The following ZNF248 variants were observed in gnomAD, a reference collection of about 807,000 sequenced individuals.
ZNF248 encodes KRAB protein domain.
In ZNF248, 20 loss-of-function variants were observed where a neutral mutation model predicts 44.3. The observed-to-expected ratio is 0.45, with a 90% confidence interval of 0.32 to 0.66. ZNF248 has a LOEUF of 0.66. ZNF248 is among the 30% of genes least tolerant of loss of function. ZNF248 has a pLI of 0.04. For synonymous variants in ZNF248, 224 were observed against 229.0 expected, an observed-to-expected ratio of 0.98 and a Z score of 0.20; for missense variants, 654 against 677.0, an observed-to-expected ratio of 0.97 and a Z score of 0.38.
At chr10:37,849,544 G>A (rs1181412270) in intron 3 of ZNF248, among the ~76,000 whole-genome samples, 2 of 151,872 alleles carry the variant, frequency 1.3e-5, no homozygotes, top group Admixed American at 6.6e-5. Flanking sequence ...AAAATTAGAC[G>A]GGTGTGGTGG....
chr10:37,774,237 G>T (rs552629826), downstream of ZNF248, among the ~76,000 whole-genome samples: 19 of 152,306 alleles, frequency 1.2e-4, no homozygotes, highest in South Asian at 3.5e-3. Flanking sequence ...AACTGGGAGA[G>T]AATACATTTC....
chr10:37,827,569 T>A (rs2054581281), downstream of ZNF248, among the ~76,000 whole-genome samples: 1 of 152,124 alleles, frequency 6.6e-6, no homozygotes, highest in Non-Finnish European at 1.5e-5. Flanking sequence ...AGTGGTAGGT[T>A]GGGAAAAGGG....
intron 3 of ZNF248, among the ~76,000 whole-genome samples, chr10:37,843,964 C>T (rs2058820573): frequency 6.6e-6 from 1 of 151,760 alleles, no homozygotes; most frequent in African/African-American, 2.4e-5. Context: ...ACAGGAGTCC[C>T]AGAAGGAAAA....
At chr10:37,793,389 A>C (rs2048787757) in intron 6 of ZNF248, among the ~76,000 whole-genome samples, 1 of 149,258 alleles carries the variant, frequency 6.7e-6, no homozygotes, top group African/African-American at 2.4e-5. Flanking sequence ...ATGGAAACAT[A>C]AACAAACACA....
chr10:37,813,599 A>T lies in ZNF248; in HGVS notation c.330+19426T>A, dbSNP rs560271701. 8.6e-5 allele frequency among the ~76,000 whole-genome samples: 13 copies of T among 151,538 alleles called. No individual in the cohort carries two copies. The South Asian group carries it at 2.7e-3, about 32-fold the overall frequency. On this transcript the variant is annotated intron_variant, in intron 6 of 6. Transcript: ENST00000615949. ...AATAAACATTTTTATCTTCCTTACGATTTTTTTTTCTTTACCTTACTTTAT... is the reference window on the plus strand; with the variant it reads ...AATAAACATTTTTATCTTCCTTACGTTTTTTTTTTCTTTACCTTACTTTAT...
chr10:37,761,451 C>A, the ZNF248 span, among the ~76,000 whole-genome samples: 1 of 152,190 alleles, frequency 6.6e-6, no homozygotes, highest in African/African-American at 2.4e-5. Context: ...AAAGTTAAAT[C>A]CTTACCTCAT....
Position 37,831,541 on chromosome 10 carries a change from T to C in ZNF248, c.*74A>G. Reference sequence around the variant, plus strand: ...AGTCATTTTCTACAAATTTCTGACATTCTTTGGCTTTCTCTGATCTCCTTT... The same window carrying C: ...AGTCATTTTCTACAAATTTCTGACACTCTTTGGCTTTCTCTGATCTCCTTT... On this transcript the variant is annotated 3_prime_UTR_variant, in exon 6 of 6. Coordinates refer to ENST00000395867, the MANE Select transcript of ZNF248 (RefSeq NM_021045.3). 1.3e-6 allele frequency: 2 copies of C among 1,528,222 alleles called. No individual in the cohort carries two copies. The highest frequency in any genetic ancestry group is 1.8e-6 in the Non-Finnish European group (2 of 1,141,208). 94.7% of individuals were successfully genotyped at this position (1,528,222 alleles called of 1,614,324 possible). A position where few individuals can be genotyped will look rare whatever the true frequency, so the allele number is the denominator to read the frequency against.
At chr10:37,801,230 G>C (rs1297768993) in intron 6 of ZNF248, among the ~76,000 whole-genome samples, 2 of 151,834 alleles carry the variant, frequency 1.3e-5, no homozygotes, top group Non-Finnish European at 2.9e-5. Context: ...AAAAAAATTA[G>C]CTGGACGTGG....
At chr10:37,773,372 T>C (rs1022815229), downstream of ZNF248, among the ~76,000 whole-genome samples, 1 of 152,204 alleles carries the variant, frequency 6.6e-6, no homozygotes, top group African/African-American at 2.4e-5. Context: ...GCTATTAGAA[T>C]GGCTATCAAA....
At chr10:37,797,204 C>T (rs1018379106) in intron 6 of ZNF248, among the ~76,000 whole-genome samples, 35 of 152,058 alleles carry the variant, frequency 2.3e-4, no homozygotes, top group African/African-American at 6.3e-4. Context: ...TATCTGGGGA[C>T]GTAAATTACG....
chr10:37,764,301 C>A, the ZNF248 span, among the ~76,000 whole-genome samples: 37 of 152,316 alleles, frequency 2.4e-4, no homozygotes, highest in East Asian at 3.7e-3. Context: ...TTAGGACGAG[C>A]AAATTCCCGC....
chr10:37,790,733 T>TA (rs746401586), intron 6 of ZNF248, among the ~76,000 whole-genome samples: 6 of 148,962 alleles, frequency 4.0e-5, no homozygotes, highest in East Asian at 4.0e-4. Context: ...AATAAATAAA[T>TA]AATTTTTTAA....
At chr10:37,782,301 A>G (rs1589016538) in intron 6 of ZNF248, among the ~76,000 whole-genome samples, 3 of 152,332 alleles carry the variant, frequency 2.0e-5, no homozygotes, top group African/African-American at 4.8e-5. Context: ...ATGACTGATT[A>G]AGATGATTTA....
downstream of ZNF248, among the ~76,000 whole-genome samples, chr10:37,772,802 T>C (rs940582484): frequency 5.3e-5 from 8 of 152,176 alleles, no homozygotes; most frequent in African/African-American, 1.9e-4. Flanking sequence ...AGCTCTTTCA[T>C]TGAGGGAAGT....
chr10:37,799,612 T>C (rs2049555264), intron 6 of ZNF248, among the ~76,000 whole-genome samples: 1 of 151,978 alleles, frequency 6.6e-6, no homozygotes, highest in Admixed American at 6.6e-5. Context: ...TCTCTGAAAA[T>C]CAGGTGCAAG....
At chr10:37,765,289 G>A in the ZNF248 span, among the ~76,000 whole-genome samples, 1 of 152,142 alleles carries the variant, frequency 6.6e-6, no homozygotes, top group East Asian at 1.9e-4. Flanking sequence ...AATTCCTTGA[G>A]CTGTTTAGGG....
chr10:37,819,657 C>T, intron 6 of ZNF248: 1 of 800,536 alleles, frequency 1.2e-6, no homozygotes, highest in South Asian at 1.3e-5. Flanking sequence ...GCCTGGATCT[C>T]TGCTTCCTCC....
intron 5 of ZNF248, among the ~76,000 whole-genome samples, chr10:37,835,195 A>C (rs1377144214): frequency 2.0e-5 from 3 of 152,228 alleles, no homozygotes; most frequent in Non-Finnish European, 4.4e-5. Flanking sequence ...CTGAGTCAGG[A>C]ATGAGAACAC....
chr10:37,758,768 T>C, the ZNF248 span, among the ~76,000 whole-genome samples: 3 of 152,228 alleles, frequency 2.0e-5, no homozygotes, highest in Non-Finnish European at 4.4e-5. Context: ...TTTTGAGATA[T>C]TTCTACTAGA....
Sources: allele counts gnomAD v4.1 joint callset (sites outside exome capture counted in the v4.1 genomes callset), GRCh38; gene constraint gnomAD v4.1.1; transcripts MANE v1.5; gene names NCBI Gene and HGNC (gene_info 2026-07-23, HGNC 2026-07-21).